The following ANLN variants were observed in gnomAD, a reference collection of about 807,000 sequenced individuals.
ANLN encodes the protein anillin.
Under a neutral mutation model 135.1 loss-of-function variants are expected in ANLN, and 59 were observed. The observed-to-expected ratio is 0.44, with a 90% CI of 0.35 to 0.54. The LOEUF (loss-of-function observed/expected upper bound fraction) is 0.54, where lower values mean the gene tolerates loss of function less well. Among genes scored for constraint, ANLN ranks in the 20% least tolerant of loss-of-function variants. The pLI, the probability that ANLN is intolerant of heterozygous loss-of-function variation, is 0.00. For missense variants in ANLN, 1,182 were observed against 1,340.0 expected (o/e 0.88, Z 1.84); for synonymous variants, 406 against 456.4 (o/e 0.89, Z 1.41).
chr7:36,441,339 C>CA (rs1286195762), intron 21 of ANLN, among the ~76,000 whole-genome samples: 1 of 151,138 alleles, frequency 6.6e-6, no homozygotes, highest in African/African-American at 2.4e-5. Context: ...TTCACACTTA[C>CA]AAAAATGTAG....
At position 36,422,758 on chromosome 7, in the gene ANLN, A is replaced by G. The variant is rs1787930593; in HGVS notation, c.2425A>G (p.Ile809Val). The change falls in exon 14 of 24, where the codon ATC (isoleucine) becomes GTC (valine). Residue 809 changes from isoleucine (I) to valine (V), a missense_variant. Physicochemically the swap from Ile to Val is conservative, Grantham distance 29. Transcript: ENST00000265748. ...CAAAGGATCAGTTACTTTGTCAGAA[A>G]TCCGCTTGCCTCTAAAAGCAGATTT... is the stretch of plus-strand genomic sequence containing the variant. ...PSKGSVTLSE[I>V]RLPLKADFVC... The G allele has an allele frequency of 1.2e-6, 2 of 1,613,508 alleles. No homozygotes were observed. The highest frequency in any genetic ancestry group is 4.5e-5 in the East Asian group (2 of 44,856).
chr7:36,413,888 G>A (rs1392681967), intron 7 of ANLN, among the ~76,000 whole-genome samples: 1 of 152,116 alleles, frequency 6.6e-6, no homozygotes, highest in Non-Finnish European at 1.5e-5. Flanking sequence ...CAGCTACTCA[G>A]GAGGCTGAGG....
At chr7:36,448,175 G>A (rs1466092555) in intron 22 of ANLN, among the ~76,000 whole-genome samples, 3 of 151,934 alleles carry the variant, frequency 2.0e-5, no homozygotes, top group African/African-American at 7.3e-5. Flanking sequence ...CACCACGCAC[G>A]GCTAGTTTTT....
chr7:36,406,685 G>A, intron 4 of ANLN, 119 bp downstream of exon 4: 1 of 977,700 alleles, frequency 1.0e-6, no homozygotes, highest in Non-Finnish European at 1.4e-6. Flanking sequence ...TAGATGCATA[G>A]TGAGTTTATA....
At chr7:36,440,338 G>A (rs1213623159) in intron 21 of ANLN, among the ~76,000 whole-genome samples, 1 of 152,170 alleles carries the variant, frequency 6.6e-6, no homozygotes, top group African/African-American at 2.4e-5. Context: ...TTGAAAGGAG[G>A]GAGTGGTTGA....
chr7:36,435,392 G>C (rs959769629), intron 20 of ANLN, among the ~76,000 whole-genome samples: 4 of 151,246 alleles, frequency 2.6e-5, no homozygotes, highest in Non-Finnish European at 2.9e-5. Flanking sequence ...TGGTGGGGGG[G>C]GGGTCTCAGT....
At chr7:36,391,349 A>G (rs12668401) in intron 1 of ANLN, among the ~76,000 whole-genome samples, 3,913 of 152,326 alleles carry the variant, frequency 0.026, 254 homozygotes, top group East Asian at 0.23. Flanking sequence ...TAAGTAACAG[A>G]CAGGAACAAA....
intron 20 of ANLN, chr7:36,428,344 A>G (rs1788171408): frequency 3.1e-6 from 4 of 1,284,922 alleles, no homozygotes; most frequent in Non-Finnish European, 4.1e-6. Flanking sequence ...CTACTGGGCT[A>G]TTTGTTCCAG....
intron 9 of ANLN, 117 bp from the exon 10 acceptor site, chr7:36,419,126 CT>C (rs959050386): frequency 9.7e-5 from 65 of 668,632 alleles, no homozygotes; most frequent in East Asian, 7.6e-4. Flanking sequence ...TTAGGAGGTG[CT>C]TTTTTTTAAG....
chr7:36,445,161 C>CTTTTTTTTTTTTT (rs70977145), intron 22 of ANLN, among the ~76,000 whole-genome samples: 3 of 57,822 alleles, frequency 5.2e-5, no homozygotes, highest in African/African-American at 1.4e-4. Context: ...ATTTGGGATT[C>CTTTTTTTTTTTTT]TTTTTTTTTT....
intron 20 of ANLN, among the ~76,000 whole-genome samples, chr7:36,435,362 T>C (rs187843261): frequency 1.4e-5 from 2 of 146,834 alleles, no homozygotes; most frequent in Admixed American, 1.4e-4. Context: ...ATTTTTATCT[T>C]TTAAAAAAGA....
At chr7:36,397,231 T>G (rs1786745458) in intron 2 of ANLN, among the ~76,000 whole-genome samples, 1 of 152,142 alleles carries the variant, frequency 6.6e-6, no homozygotes, top group Non-Finnish European at 1.5e-5. Context: ...CAAGAATTAG[T>G]TTTCATACGT....
At chr7:36,416,649 A>G (rs1787653865) in intron 8 of ANLN, among the ~76,000 whole-genome samples, 2 of 152,262 alleles carry the variant, frequency 1.3e-5, no homozygotes, top group East Asian at 1.9e-4. Flanking sequence ...GAGTAGTGGT[A>G]TGTATGGTAT....
chr7:36,393,008 A>G (rs1805231663), intron 1 of ANLN, among the ~76,000 whole-genome samples: 1 of 151,436 alleles, frequency 6.6e-6, no homozygotes, highest in Non-Finnish European at 1.5e-5. Flanking sequence ...TAGAAAGGAG[A>G]CATTATTTCT....
intron 20 of ANLN, among the ~76,000 whole-genome samples, chr7:36,428,008 C>T (rs1788157116): frequency 6.6e-6 from 1 of 151,848 alleles, no homozygotes. Context: ...TAGTATTTAC[C>T]CTTAGTGATT....
intron 20 of ANLN, among the ~76,000 whole-genome samples, chr7:36,436,569 A>T (rs1318072760): frequency 6.6e-6 from 1 of 152,164 alleles, no homozygotes; most frequent in East Asian, 1.9e-4. Flanking sequence ...ACCATTTGAT[A>T]TTTCTACCAT....
At chr7:36,439,341 A>T (rs1205309081) in intron 21 of ANLN, 51 bp downstream of exon 21, 1 of 1,051,176 alleles carries the variant, frequency 9.5e-7, no homozygotes, top group Non-Finnish European at 1.4e-6. Flanking sequence ...TTTGTGAAAT[A>T]CAGACTTGTT....
intron 7 of ANLN, among the ~76,000 whole-genome samples, chr7:36,412,326 TA>T (rs60094592): frequency 0.023 from 2,402 of 104,422 alleles, 23 homozygotes; most frequent in Non-Finnish European, 0.031. Flanking sequence ...TATATATATA[TA>T]TTTTTTTTTT....
At chr7:36,422,405 G>A (rs1787913994) in intron 13 of ANLN, among the ~76,000 whole-genome samples, 1 of 152,052 alleles carries the variant, frequency 6.6e-6, no homozygotes, top group African/African-American at 2.4e-5. Context: ...GTGGACAGAT[G>A]ATACCACACA....
Sources: allele counts gnomAD v4.1 joint callset (sites outside exome capture counted in the v4.1 genomes callset), GRCh38; gene constraint gnomAD v4.1.1; transcripts MANE v1.5; gene names NCBI Gene and HGNC (gene_info 2026-07-23, HGNC 2026-07-21).